Variants in FLNB observed in about 807,000 individuals in gnomAD.
The protein encoded by FLNB is filamin-B.
A neutral mutation model predicts 250.6 loss-of-function variants in FLNB; 111 were observed. The ratio of observed to expected loss-of-function variants is 0.44; its 90% CI spans 0.38 to 0.52. The LOEUF (loss-of-function observed/expected upper bound fraction) is 0.52, where lower values mean the gene tolerates loss of function less well. FLNB is among the 20% of genes least tolerant of loss of function. The pLI, the probability that FLNB is intolerant of heterozygous loss-of-function variation, is 0.00. For synonymous variants in FLNB, 1,302 were observed against 1,372.1 expected, an observed-to-expected ratio of 0.95 and a Z score of 1.13; for missense variants, 2,869 against 3,447.8, an observed-to-expected ratio of 0.83 and a Z score of 4.20.
intron 40 of FLNB, among the ~76,000 whole-genome samples, 161 bp from the exon 41 acceptor site, chr3:58,155,799 A>T (rs773125060): frequency 2.7e-4 from 41 of 152,140 alleles, no homozygotes; most frequent in Non-Finnish European, 2.2e-4. Context: ...TAAGGAAATC[A>T]TATCGGCCCA....
At chr3:58,137,386 T>G (rs893307259) in intron 28 of FLNB, among the ~76,000 whole-genome samples, 1 of 152,242 alleles carries the variant, frequency 6.6e-6, no homozygotes, top group African/African-American at 2.4e-5. Flanking sequence ...GGATGGGGAC[T>G]TCCCCCTTGC....
At chr3:58,076,069 C>G (rs559538954) in intron 1 of FLNB, among the ~76,000 whole-genome samples, 87 of 152,262 alleles carry the variant, frequency 5.7e-4, no homozygotes, top group African/African-American at 2.0e-3. Context: ...ACTTATCCTC[C>G]TCACAACAGG....
rs1491475488 is a variant in FLNB, at chr3:58,024,727, TTA to T, written c.292+15872_292+15873del. ...TTTTTTTTTTTTTTTTTTTTTTTTT[TTA>T]ACCTTGAGACAGTCTTGCTTTGTTG... On this transcript the variant is annotated intron_variant, in intron 1 of 45. Coordinates refer to ENST00000295956, the MANE Select transcript of FLNB (RefSeq NM_001457.4). Among the ~76,000 whole-genome samples, 36 of 100,826 alleles carry T rather than the reference TTA, an allele frequency of 3.6e-4. 4 individuals are homozygous for T. Among genetic ancestry groups the T allele is most frequent in the East Asian group, 3.3e-3 (5 of 1,522 alleles). The allele number at this position is 100,826 out of a possible 152,430, so 66.1% of individuals were successfully genotyped here. A position where few individuals can be genotyped will look rare whatever the true frequency, so the allele number is the denominator to read the frequency against.
chr3:58,136,164 C>G lies in FLNB; in HGVS notation c.4857C>G (p.Ala1619=), dbSNP rs1467206545. 4.6e-5 allele frequency: 75 copies of G among 1,614,154 alleles called. No individual in the cohort carries two copies. Among genetic ancestry groups the G allele is most frequent in the Non-Finnish European group, 6.1e-5 (72 of 1,180,018 alleles). Residue 1619 remains alanine, a synonymous_variant, in exon 28 of 46, where the codon GCC becomes GCG. Transcript: ENST00000295956. Reference sequence around the variant, plus strand: ...CGGGTGATGCCAGCAAGTGCCTGGCCACGGGTGAGTACAGGGCATCTCAAG... The same window carrying G: ...CGGGTGATGCCAGCAAGTGCCTGGCGACGGGTGAGTACAGGGCATCTCAAG... ...TQTGDASKCL[A]TGPGIASTVK...
At chr3:58,068,418 T>C (rs1443348930) in intron 1 of FLNB, among the ~76,000 whole-genome samples, 1 of 152,014 alleles carries the variant, frequency 6.6e-6, no homozygotes, top group Admixed American at 6.5e-5. Context: ...GCTGTGTGGA[T>C]GGAAGGGATA....
chr3:58,074,883 C>T (rs1431126970), intron 1 of FLNB, among the ~76,000 whole-genome samples: 1 of 152,128 alleles, frequency 6.6e-6, no homozygotes, highest in African/African-American at 2.4e-5. Flanking sequence ...CTCCATGATA[C>T]TCTTTGTTTT....
chr3:58,049,102 A>G (rs1410145703), intron 1 of FLNB, among the ~76,000 whole-genome samples: 1 of 152,244 alleles, frequency 6.6e-6, no homozygotes, highest in East Asian at 1.9e-4. Context: ...TAGTATAAGT[A>G]TGTTCCAAGT....
chr3:58,097,937 C>T lies in FLNB; in HGVS notation c.1107C>T (p.Asn369=), dbSNP rs538953239. Residue 369 remains asparagine (N), a synonymous_variant, in exon 7 of 46, where the codon AAC becomes AAT. Transcript: ENST00000295956. ...AKGPGLEAVG[N]IANKPTYFDI... ...GTCCAGGGTTGGAAGCTGTAGGGAA[C>T]ATCGCCAATAAGCCCACCTACTTTG... 3.7e-4 allele frequency: 596 copies of T among 1,614,134 alleles called. 6 individuals are homozygous for T. In the South Asian group the frequency reaches 6.2e-3, roughly 17 times the overall value.
At chr3:58,010,668 A>G (rs1003982845) in intron 1 of FLNB, among the ~76,000 whole-genome samples, 2 of 152,190 alleles carry the variant, frequency 1.3e-5, no homozygotes, top group Non-Finnish European at 2.9e-5. Context: ...TATTTATTTA[A>G]TTAACTGAAT....
At chr3:58,150,054 G>A in intron 37 of FLNB, 51 bp from the exon 38 acceptor site, 1 of 1,614,286 alleles carries the variant, frequency 6.2e-7, no homozygotes. Flanking sequence ...TTCTGTAAAT[G>A]CTGTGCCTTG....
intron 34 of FLNB, 138 bp from the exon 35 acceptor site, chr3:58,148,068 C>G: frequency 1.2e-6 from 1 of 847,356 alleles, no homozygotes; most frequent in Admixed American, 2.0e-5. Context: ...ACTCAGTGTT[C>G]AAGGCTCATT....
At chr3:58,166,268 T>C (rs2097370335) in intron 43 of FLNB, among the ~76,000 whole-genome samples, 1 of 152,196 alleles carries the variant, frequency 6.6e-6, no homozygotes, top group Admixed American at 6.5e-5. Flanking sequence ...ACAGTCAAGA[T>C]GAACTGATTT....
chr3:58,094,866 AGC>A lies in FLNB; in HGVS notation c.819_820del (p.Gln273HisfsTer21). On this transcript the variant is annotated frameshift_variant, in exon 5 of 46. Coordinates refer to ENST00000295956, the MANE Select transcript of FLNB (RefSeq NM_001457.4). LOFTEE classifies it high-confidence loss of function. ...GAGCCCACTGGAAACATGGTGAAGC[AGC>A]CAGCCAAGTTCACTGTGGACACCAT... 1 of 1,614,172 alleles carries A rather than the reference AGC, an allele frequency of 6.2e-7. No homozygotes were observed. The highest frequency in any genetic ancestry group is 8.5e-7 in the Non-Finnish European group (1 of 1,180,002).
intron 1 of FLNB, among the ~76,000 whole-genome samples, chr3:58,070,602 G>A (rs1465813401): frequency 2.0e-5 from 3 of 151,960 alleles, no homozygotes; most frequent in Middle Eastern, 3.4e-3. Context: ...GTCTTAGTGC[G>A]AGTGTGTGTG....
At chr3:58,105,777 T>C (rs2097258551) in intron 11 of FLNB, among the ~76,000 whole-genome samples, 1 of 152,242 alleles carries the variant, frequency 6.6e-6, no homozygotes, top group South Asian at 2.1e-4. Flanking sequence ...TGTGGCCATG[T>C]TCCAGTAAAA....
chr3:58,056,777 G>A (rs1267939671), intron 1 of FLNB, among the ~76,000 whole-genome samples: 2 of 151,884 alleles, frequency 1.3e-5, no homozygotes, highest in African/African-American at 4.8e-5. Flanking sequence ...TTTTAGTAGA[G>A]ATGGGGTTTT....
In FLNB at chr3:58,149,919, A is replaced by G. The variant is rs1459314452; in HGVS notation, c.6161A>G (p.Asp2054Gly). The G allele has an allele frequency of 1.2e-6, 2 of 1,614,136 alleles. No individual in the cohort carries two copies. Among genetic ancestry groups the G allele is most frequent in the African/African-American group, 1.3e-5 (1 of 74,946 alleles). Residue 2054 changes from aspartate (D) to glycine (G), a missense_variant, in exon 37 of 46, where the codon GAT (aspartate) becomes GGT (glycine). Asp to Gly is a moderately conservative substitution (Grantham distance 94, BLOSUM62 -1). Coordinates refer to ENST00000295956, the MANE Select transcript of FLNB (RefSeq NM_001457.4). The stretch of plus-strand genomic sequence containing the variant: ...GACATCCAGACGGAGGACCTGGAAG[A>G]TGGCACCTGCAAAGTCTCCTACTTC... ...KVDIQTEDLE[D>G]GTCKVSYFPT...
rs542695137 is a variant in FLNB, at chr3:58,057,846, A to G, written c.293-19200A>G. 1.2e-4 allele frequency among the ~76,000 whole-genome samples: 19 copies of G among 152,212 alleles called. No individual in the cohort carries two copies. The East Asian group carries it at 3.7e-3, about 29-fold the overall frequency. On this transcript the variant is annotated intron_variant, in intron 1 of 45. Coordinates refer to ENST00000295956, the MANE Select transcript of FLNB (RefSeq NM_001457.4). ...GCTCTTGTTGCTCAGGCTGGAGTGC[A>G]GTGGAACAGTCTCAGCTCACCACAA...
chr3:58,139,229 C>T (rs2097322135), intron 29 of FLNB, among the ~76,000 whole-genome samples: 1 of 152,138 alleles, frequency 6.6e-6, no homozygotes, highest in Non-Finnish European at 1.5e-5. Flanking sequence ...GGGTTAGAAA[C>T]CTTGGGGACA....
Sources: gnomAD v4.1 joint callset for allele counts (sites outside exome capture counted in the v4.1 genomes callset) on GRCh38, gnomAD v4.1.1 for gene constraint, MANE v1.5 for transcripts, NCBI Gene and HGNC (gene_info 2026-07-23, HGNC 2026-07-21) for gene names.